Variants in ATP10B observed in about 807,000 individuals in gnomAD.
The protein encoded by ATP10B is phospholipid-transporting ATPase VB.
In ATP10B, 122 loss-of-function variants were observed where a neutral mutation model predicts 141.2. The ratio of observed to expected loss-of-function variants is 0.86; its 90% CI spans 0.75 to 1.00. The LOEUF (loss-of-function observed/expected upper bound fraction) is 1.00. ATP10B is among the 50% of genes least tolerant of loss of function. ATP10B has a pLI of 0.00. For synonymous variants in ATP10B, 685 were observed against 692.0 expected, an observed-to-expected ratio of 0.99 and a Z score of 0.16; for missense variants, 1,876 against 1,825.3, an observed-to-expected ratio of 1.03 and a Z score of -0.51.
At chr5:160,802,621 G>C (rs1772454966) in intron 1 of ATP10B, among the ~76,000 whole-genome samples, 1 of 152,150 alleles carries the variant, frequency 6.6e-6, no homozygotes, top group Non-Finnish European at 1.5e-5. Context: ...GCATGGTAAG[G>C]GACACTGCTA....
chr5:160,790,398 G>A (rs1771482120), intron 1 of ATP10B, among the ~76,000 whole-genome samples: 1 of 152,082 alleles, frequency 6.6e-6, no homozygotes, highest in Non-Finnish European at 1.5e-5. Context: ...TCTTAACCCT[G>A]GTTCCCAGTT....
the ATP10B span, among the ~76,000 whole-genome samples, chr5:160,919,658 C>A: frequency 6.6e-6 from 1 of 152,114 alleles, no homozygotes; most frequent in Non-Finnish European, 1.5e-5. Flanking sequence ...GATTAGAAAC[C>A]CAGCCCCTCT....
the ATP10B span, among the ~76,000 whole-genome samples, chr5:160,900,065 A>G: frequency 6.6e-6 from 1 of 152,076 alleles, no homozygotes; most frequent in South Asian, 2.1e-4. Context: ...AAGAGTGTGG[A>G]GCTCAGACAC....
chr5:160,733,914 G>T (rs1256657042), intron 2 of ATP10B, among the ~76,000 whole-genome samples: 2 of 151,610 alleles, frequency 1.3e-5, no homozygotes, highest in African/African-American at 2.4e-5. Flanking sequence ...GACCATCCTG[G>T]ACAACATGGT....
intron 1 of ATP10B, among the ~76,000 whole-genome samples, chr5:160,851,642 G>A (rs899103774): frequency 2.6e-5 from 4 of 152,150 alleles, no homozygotes; most frequent in African/African-American, 9.7e-5. Flanking sequence ...ATGAATGCAG[G>A]ATAGCAGGAT....
chr5:160,636,172 G>A lies in ATP10B; in HGVS notation c.1128+10C>T, dbSNP rs752633903. On this transcript the variant is annotated intron_variant, in intron 11 of 25. Coordinates refer to ENST00000327245, the MANE Select transcript of ATP10B (RefSeq NM_025153.3). ...TCTTATTGGGCCCCTAGTTAGGGAG[G>A]GCTTCCTACCTGGAGCAGGATGATC... The A allele has an allele frequency of 7.6e-6, 12 of 1,588,966 alleles. No individual in the cohort carries two copies. Among genetic ancestry groups the A allele is most frequent in the Middle Eastern group, 1.7e-4 (1 of 5,872 alleles).
chr5:160,782,783 G>A (rs1770812509), intron 2 of ATP10B, among the ~76,000 whole-genome samples: 1 of 149,846 alleles, frequency 6.7e-6, no homozygotes. Flanking sequence ...GGCAAAAAAT[G>A]ACATGTACAT....
chr5:160,906,976 G>A, the ATP10B span, among the ~76,000 whole-genome samples: 1 of 152,060 alleles, frequency 6.6e-6, no homozygotes, highest in African/African-American at 2.4e-5. Context: ...TACAGTGAAT[G>A]GGTATTTGTT....
the ATP10B span, among the ~76,000 whole-genome samples, chr5:160,920,234 G>T: frequency 6.6e-6 from 1 of 152,162 alleles, no homozygotes; most frequent in East Asian, 1.9e-4. Context: ...GCTCAAAGAA[G>T]AATTTGAATC....
chr5:160,920,248 A>G, the ATP10B span, among the ~76,000 whole-genome samples: 1 of 152,330 alleles, frequency 6.6e-6, no homozygotes, highest in East Asian at 1.9e-4. Context: ...TTGAATCGAC[A>G]TCTTTCTAAC....
chr5:160,728,203 A>T (rs1045431526), intron 2 of ATP10B, among the ~76,000 whole-genome samples: 33 of 152,100 alleles, frequency 2.2e-4, no homozygotes, highest in Admixed American at 2.2e-3. Flanking sequence ...CTTACTGCCT[A>T]CCGTCTCTTC....
chr5:160,907,188 T>G, the ATP10B span, among the ~76,000 whole-genome samples: 1 of 152,190 alleles, frequency 6.6e-6, no homozygotes, highest in African/African-American at 2.4e-5. Context: ...TCGGCCTTCA[T>G]GCAGGTTCAA....
At chr5:160,829,174 T>C (rs1452533773) in intron 1 of ATP10B, among the ~76,000 whole-genome samples, 1 of 151,720 alleles carries the variant, frequency 6.6e-6, no homozygotes, top group African/African-American at 2.4e-5. Flanking sequence ...AACCTGCACA[T>C]TGTGCACATG....
chr5:160,783,417 G>GTATATATATAT (rs981886865), intron 2 of ATP10B, among the ~76,000 whole-genome samples: 7 of 76,016 alleles, frequency 9.2e-5, no homozygotes, highest in African/African-American at 3.1e-4. Context: ...TCTATCCATG[G>GTATATATATAT]ATATATCCAT....
intron 7 of ATP10B, among the ~76,000 whole-genome samples, chr5:160,659,191 C>A (rs899685744): frequency 6.6e-6 from 1 of 152,134 alleles, no homozygotes; most frequent in African/African-American, 2.4e-5. Context: ...TCAGGCCGGG[C>A]GCAGTGGCTC....
intron 1 of ATP10B, among the ~76,000 whole-genome samples, chr5:160,826,565 CA>C (rs1324472134): frequency 4.6e-5 from 7 of 152,032 alleles, no homozygotes; most frequent in African/African-American, 1.7e-4. Context: ...TGAAAAAGAA[CA>C]GAATAACAGC....
chr5:160,567,423 A>C (rs903734393), intron 25 of ATP10B, among the ~76,000 whole-genome samples: 1 of 152,134 alleles, frequency 6.6e-6, no homozygotes, highest in Non-Finnish European at 1.5e-5. Flanking sequence ...TGCCCCCTCC[A>C]TTTATAACTA....
chr5:160,818,700 A>G (rs1477225258), intron 1 of ATP10B, among the ~76,000 whole-genome samples: 1 of 152,284 alleles, frequency 6.6e-6, no homozygotes, highest in South Asian at 2.1e-4. Context: ...ACATACACAA[A>G]TATGTTTATT....
At chr5:160,766,337 A>AAC (rs58890049) in intron 2 of ATP10B, among the ~76,000 whole-genome samples, 17,344 of 140,026 alleles carry the variant, frequency 0.12, 1,091 homozygotes, top group Middle Eastern at 0.17. Flanking sequence ...GGATAAAGAG[A>AAC]ACACACACAC....
Sources: allele counts gnomAD v4.1 joint callset (sites outside exome capture counted in the v4.1 genomes callset), GRCh38; gene constraint gnomAD v4.1.1; transcripts MANE v1.5; gene names NCBI Gene and HGNC (gene_info 2026-07-23, HGNC 2026-07-21).